MAGI3: variants seen among roughly 807,000 people sequenced by gnomAD.
The protein encoded by MAGI3 is membrane associated guanylate kinase, WW and PDZ domain containing 3, also known as membrane-associated guanylate kinase, WW and PDZ domain-containing protein 3.
A neutral mutation model predicts 121.8 loss-of-function variants in MAGI3; 43 were observed. That is an observed-to-expected ratio of 0.35 (90% CI 0.28 to 0.46). The LOEUF is 0.46. MAGI3 is among the 20% of genes least tolerant of loss of function. The pLI is 1.00. For missense variants in MAGI3, 1,547 were observed against 1,797.3 expected (o/e 0.86, Z 2.52); for synonymous variants, 553 against 639.3 (o/e 0.86, Z 2.04).
chr1:113,668,258 G>A (rs907743725), intron 16 of MAGI3, among the ~76,000 whole-genome samples: 83 of 152,258 alleles, frequency 5.5e-4, no homozygotes, highest in Non-Finnish European at 1.1e-3. Context: ...AAAATGAAGT[G>A]TACTAAAATA....
At chr1:113,418,850 A>G (rs1652590329) in intron 1 of MAGI3, among the ~76,000 whole-genome samples, 1 of 152,174 alleles carries the variant, frequency 6.6e-6, no homozygotes, top group South Asian at 2.1e-4. Context: ...CTAGTACACT[A>G]AACTTTAGCA....
intron 14 of MAGI3, among the ~76,000 whole-genome samples, chr1:113,652,167 C>T (rs1046496529): frequency 2.6e-5 from 4 of 151,920 alleles, no homozygotes; most frequent in African/African-American, 9.7e-5. Flanking sequence ...TATAGTTTCT[C>T]GCCAGTAGCT....
intron 2 of MAGI3, among the ~76,000 whole-genome samples, chr1:113,553,463 G>A (rs141282825): frequency 4.7e-4 from 72 of 152,258 alleles, no homozygotes; most frequent in South Asian, 2.9e-3. Context: ...AAAATCTCTC[G>A]GAGTTTTAAG....
At chr1:113,476,691 A>C (rs1032045048) in intron 1 of MAGI3, among the ~76,000 whole-genome samples, 1 of 152,200 alleles carries the variant, frequency 6.6e-6, no homozygotes, top group African/African-American at 2.4e-5. Context: ...ACAAGAATGT[A>C]TATTCTGTTG....
At chr1:113,584,966 C>CAATTTTTTTTTTTT (rs61622151) in intron 3 of MAGI3, among the ~76,000 whole-genome samples, 4 of 110,730 alleles carry the variant, frequency 3.6e-5, no homozygotes, top group Non-Finnish European at 1.8e-5. Context: ...GTAGATATTT[C>CAATTTTTTTTTTTT]CTTTTTTTTT....
At chr1:113,682,788 G>A in intron 20 of MAGI3, 109 bp from the exon 21 acceptor site, 1 of 1,445,268 alleles carries the variant, frequency 6.9e-7, no homozygotes. Flanking sequence ...AAAATACTCA[G>A]GCTTTTTAAG....
At chr1:113,629,384 C>G (rs1190410665) in intron 9 of MAGI3, among the ~76,000 whole-genome samples, 5 of 152,080 alleles carry the variant, frequency 3.3e-5, no homozygotes. Flanking sequence ...AATTTTCTAT[C>G]TGAAAGGTCA....
At chr1:113,644,350 G>A (rs1039074401) in intron 11 of MAGI3, among the ~76,000 whole-genome samples, 4 of 151,832 alleles carry the variant, frequency 2.6e-5, no homozygotes, top group East Asian at 3.9e-4. Flanking sequence ...GCGCTATCTC[G>A]GCTCACTGCA....
At chr1:113,437,322 G>A (rs1485550117) in intron 1 of MAGI3, among the ~76,000 whole-genome samples, 2 of 151,776 alleles carry the variant, frequency 1.3e-5, no homozygotes, top group Non-Finnish European at 2.9e-5. Context: ...AGTAAAGTTG[G>A]AATTAGAGCA....
intron 1 of MAGI3, among the ~76,000 whole-genome samples, chr1:113,420,907 T>C (rs1482119096): frequency 6.6e-6 from 1 of 152,156 alleles, no homozygotes; most frequent in South Asian, 2.1e-4. Context: ...GAATATTGCA[T>C]TGGGAGAGCT....
At chr1:113,565,616 C>T (rs1027360311) in intron 2 of MAGI3, among the ~76,000 whole-genome samples, 1 of 152,180 alleles carries the variant, frequency 6.6e-6, no homozygotes, top group Non-Finnish European at 1.5e-5. Context: ...GCATGGTTAA[C>T]AGCATTACAC....
In MAGI3 at chr1:113,390,887, G is replaced by A. The variant is rs2101248728; in HGVS notation, c.-147G>A. The A allele has an allele frequency of 2.4e-6, 1 of 424,136 alleles. No homozygotes were observed. The highest frequency in any genetic ancestry group is 3.6e-6 in the Non-Finnish European group (1 of 275,118). The allele number at this position is 424,136 out of a possible 1,614,324, so 26.3% of individuals were successfully genotyped here. On this transcript the variant is annotated 5_prime_UTR_variant, in exon 1 of 21. Coordinates refer to ENST00000307546, the MANE Select transcript of MAGI3 (RefSeq NM_001142782.2). Reference sequence around the variant, plus strand: ...TCTGGGAACGGCCGGGCCCCCAGCGGGCTGTGGTCGCGGGGTGGGGGCCGG... The same window carrying A: ...TCTGGGAACGGCCGGGCCCCCAGCGAGCTGTGGTCGCGGGGTGGGGGCCGG...
At chr1:113,603,548 C>A (rs1214073719) in intron 6 of MAGI3, among the ~76,000 whole-genome samples, 1 of 151,774 alleles carries the variant, frequency 6.6e-6, no homozygotes, top group Non-Finnish European at 1.5e-5. Context: ...AAGGACCTAA[C>A]AAAAAAATAA....
At chr1:113,667,387 A>G (rs1312708738) in intron 16 of MAGI3, among the ~76,000 whole-genome samples, 3 of 152,346 alleles carry the variant, frequency 2.0e-5, no homozygotes, top group African/African-American at 7.2e-5. Context: ...TTTATATTAT[A>G]GAGATGACTT....
chr1:113,437,888 TTCTC>T (rs1653696570), intron 1 of MAGI3, among the ~76,000 whole-genome samples: 16 of 2,152 alleles, frequency 7.4e-3, no homozygotes, highest in East Asian at 0.1. Flanking sequence ...CTCCTTCTCC[TTCTC>T]CTTCTCCTTC....
intron 1 of MAGI3, among the ~76,000 whole-genome samples, chr1:113,491,796 A>G (rs1157647595): frequency 1.3e-5 from 2 of 152,170 alleles, no homozygotes; most frequent in African/African-American, 4.8e-5. Flanking sequence ...CTGGACCCAT[A>G]TACCCTCTCA....
At chr1:113,659,378 A>G in intron 16 of MAGI3, 113 bp downstream of exon 16, 1 of 790,554 alleles carries the variant, frequency 1.3e-6, no homozygotes, top group East Asian at 2.7e-5. Context: ...ATAACTGTGT[A>G]TGCACGCTGG....
At chr1:113,466,641 T>G (rs1230306984) in intron 1 of MAGI3, among the ~76,000 whole-genome samples, 2 of 151,874 alleles carry the variant, frequency 1.3e-5, no homozygotes, top group Non-Finnish European at 3.0e-5. Flanking sequence ...TGATTACAGC[T>G]TCAATTGTGT....
At chr1:113,617,740 A>G (rs993226240) in intron 7 of MAGI3, among the ~76,000 whole-genome samples, 1 of 152,176 alleles carries the variant, frequency 6.6e-6, no homozygotes, top group Non-Finnish European at 1.5e-5. Context: ...CTGAGTGTCA[A>G]TTTTTAGTTG....
Sources: gnomAD v4.1 joint callset for allele counts (sites outside exome capture counted in the v4.1 genomes callset) on GRCh38, gnomAD v4.1.1 for gene constraint, MANE v1.5 for transcripts, NCBI Gene and HGNC (gene_info 2026-07-23, HGNC 2026-07-21) for gene names.